The following MOB4 variants were observed in gnomAD, a reference collection of about 807,000 sequenced individuals.
MOB4 encodes MOB-like protein phocein.
A neutral mutation model predicts 32.2 loss-of-function variants in MOB4; 4 were observed. The ratio of observed to expected loss-of-function variants is 0.12; its 90% CI spans 0.06 to 0.28. MOB4 has a LOEUF of 0.28. Ranked by LOEUF, MOB4 falls within the 10% of genes least tolerant of loss-of-function variation. MOB4 has a pLI of 1.00. For synonymous variants in MOB4, 88 were observed against 88.1 expected (o/e 1.00, Z 0.01); for missense variants, 158 against 271.2 (o/e 0.58, Z 2.93).
At chr2:197,528,187 G>T (rs79947141) in intron 2 of MOB4, among the ~76,000 whole-genome samples, 1 of 152,040 alleles carries the variant, frequency 6.6e-6, no homozygotes. Context: ...TAGACCTACC[G>T]TTTTATTACT....
In MOB4 at chr2:197,550,850, T is replaced by A. The variant is rs1261236989; in HGVS notation, c.*204T>A. 2 of 393,852 alleles carry A rather than the reference T, an allele frequency of 5.1e-6. No individual in the cohort carries two copies. The highest frequency in any genetic ancestry group is 8.1e-6 in the Non-Finnish European group (2 of 246,612). The allele number at this position is 393,852 out of a possible 1,614,324, so 24.4% of individuals were successfully genotyped here. A position where few individuals can be genotyped will look rare whatever the true frequency, so the allele number is the denominator to read the frequency against. On this transcript the variant is annotated 3_prime_UTR_variant, in exon 8 of 8. Coordinates refer to ENST00000323303, the MANE Select transcript of MOB4 (RefSeq NM_015387.5). Reference sequence around the variant, plus strand: ...TCACCAGTGTGGCACTCATGGTTTTTAAATAAGATTAGTATTATCTGTTTA... The same window carrying A: ...TCACCAGTGTGGCACTCATGGTTTTAAAATAAGATTAGTATTATCTGTTTA...
chr2:197,533,195 T>C (rs2086737185), intron 2 of MOB4, among the ~76,000 whole-genome samples: 2 of 152,190 alleles, frequency 1.3e-5, no homozygotes, highest in South Asian at 4.1e-4. Context: ...ATTACAAATG[T>C]GGCAGGAAAT....
intron 1 of MOB4, among the ~76,000 whole-genome samples, chr2:197,521,470 T>A: frequency 6.6e-6 from 1 of 152,222 alleles, no homozygotes; most frequent in Non-Finnish European, 1.5e-5. Context: ...TTGTCATTGA[T>A]AACATCTTAT....
At chr2:197,535,222 C>CAAAAAA (rs371120769) in intron 2 of MOB4, among the ~76,000 whole-genome samples, 1 of 66,420 alleles carries the variant, frequency 1.5e-5, no homozygotes, top group Non-Finnish European at 3.5e-5. Context: ...GACCCTGTTT[C>CAAAAAA]AAAAAAAAAA....
chr2:197,535,594 G>A lies in MOB4; in HGVS notation c.188G>A (p.Gly63Asp), dbSNP rs892983101. The change falls in exon 3 of 8, where the codon GGC becomes GAC. Residue 63 changes from glycine (G) to aspartate (D), a missense_variant. Coordinates refer to ENST00000323303, the MANE Select transcript of MOB4 (RefSeq NM_015387.5). Reference sequence around the variant, plus strand: ...GACAAAATTCTTGAACCACCTGAAGGCCAAGATGAAGGTGTGTGGAAGTAT... The same window carrying A: ...GACAAAATTCTTGAACCACCTGAAGACCAAGATGAAGGTGTGTGGAAGTAT... The part of the protein sequence containing the change: ...NIDKILEPPE[G>D]QDEGVWKYEH... 3 of 1,612,964 alleles carry A rather than the reference G, an allele frequency of 1.9e-6. No homozygotes were observed. The African/African-American group carries it at 4.0e-5, about 22-fold the overall frequency.
At chr2:197,516,023 C>T (rs1231810057), upstream of MOB4, 5 of 1,505,824 alleles carry the variant, frequency 3.3e-6, no homozygotes, top group East Asian at 2.5e-5. Context: ...CTCTGCCCCG[C>T]CCCCCGCGCA....
intron 6 of MOB4, among the ~76,000 whole-genome samples, chr2:197,549,555 C>T (rs192077223): frequency 1.3e-5 from 2 of 152,084 alleles, no homozygotes; most frequent in East Asian, 3.9e-4. Flanking sequence ...ATTTCTCTCT[C>T]TCTGTTTTTC....
chr2:197,520,110 C>T (rs2086488242), intron 1 of MOB4, among the ~76,000 whole-genome samples: 1 of 151,978 alleles, frequency 6.6e-6, no homozygotes, highest in Non-Finnish European at 1.5e-5. Context: ...TGTCTTCTAC[C>T]CTATCATTCC....
At chr2:197,530,676 G>C (rs1182071753) in intron 2 of MOB4, among the ~76,000 whole-genome samples, 1 of 151,922 alleles carries the variant, frequency 6.6e-6, no homozygotes, top group Non-Finnish European at 1.5e-5. Context: ...TTCCAGGCTG[G>C]TGTACAGTGG....
chr2:197,543,975 T>C (rs1261724799), intron 5 of MOB4, among the ~76,000 whole-genome samples: 1 of 151,978 alleles, frequency 6.6e-6, no homozygotes, highest in African/African-American at 2.4e-5. Context: ...CCTGACCTCA[T>C]GTGATCCGCC....
intron 6 of MOB4, 44 bp downstream of exon 6, chr2:197,548,459 AT>A: frequency 1.4e-6 from 1 of 701,916 alleles, no homozygotes; most frequent in Non-Finnish European, 2.1e-6. Flanking sequence ...TTTAGAGTTA[AT>A]TTATAAGATT....
At chr2:197,540,736 T>G (rs1174645731) in intron 5 of MOB4, among the ~76,000 whole-genome samples, 1 of 152,212 alleles carries the variant, frequency 6.6e-6, no homozygotes, top group African/African-American at 2.4e-5. Flanking sequence ...GATACGCCTG[T>G]TTAGGTTTTT....
chr2:197,539,423 G>A (rs868441129), intron 3 of MOB4, among the ~76,000 whole-genome samples: 3 of 150,138 alleles, frequency 2.0e-5, no homozygotes, highest in South Asian at 4.2e-4. Flanking sequence ...GGTTCAAGCA[G>A]TTCTCCCTCC....
At position 197,551,821 on chromosome 2, in the gene MOB4, T is replaced by C. The variant is rs2087102834; in HGVS notation, c.*1175T>C. ...GTGGTAAGAATGATTGAAATGCAGA[T>C]TTAACAATCTTATAATCTATTGAAT... On this transcript the variant is annotated 3_prime_UTR_variant, in exon 8 of 8. Transcript: ENST00000323303. The C allele has an allele frequency of 1.3e-5, 2 of 152,312 alleles. No homozygotes were observed. Among genetic ancestry groups the C allele is most frequent in the Admixed American group, 1.3e-4 (2 of 15,262 alleles). The allele number at this position is 152,312 out of a possible 1,614,324, so 9.4% of individuals were successfully genotyped here. A position where few individuals can be genotyped will look rare whatever the true frequency, so the allele number is the denominator to read the frequency against.
intron 5 of MOB4, among the ~76,000 whole-genome samples, chr2:197,546,543 G>T (rs909768032): frequency 2.6e-5 from 4 of 152,154 alleles, no homozygotes; most frequent in Non-Finnish European, 5.9e-5. Flanking sequence ...TACAATCATA[G>T]TGCCACCATG....
chr2:197,535,477 A>T, intron 2 of MOB4, 53 bp from the exon 3 acceptor site: 1 of 1,513,212 alleles, frequency 6.6e-7, no homozygotes, highest in Non-Finnish European at 8.9e-7. Flanking sequence ...ACTTAACATA[A>T]GATTTACCAG....
At chr2:197,532,716 T>G (rs865874993) in intron 2 of MOB4, among the ~76,000 whole-genome samples, 1 of 151,290 alleles carries the variant, frequency 6.6e-6, no homozygotes, top group South Asian at 2.1e-4. Flanking sequence ...AAAGTCTCTG[T>G]GTTCAGGGAC....
rs185892014 is a variant in MOB4, at chr2:197,517,549, G to A, written c.60+1403G>A. Reference sequence around the variant, plus strand: ...TGAGAGTCATCTCATTTATTCATAAGTTCTTAATTTTGAAAGGTTAGAAAA... The same window carrying A: ...TGAGAGTCATCTCATTTATTCATAAATTCTTAATTTTGAAAGGTTAGAAAA... On this transcript the variant is annotated intron_variant, in intron 1 of 7. Transcript: ENST00000323303. 1.5e-3 allele frequency among the ~76,000 whole-genome samples: 228 copies of A among 152,136 alleles called. 1 individual carries two copies. Among genetic ancestry groups the A allele is most frequent in the African/African-American group, 5.0e-3 (208 of 41,508 alleles).
At chr2:197,540,867 C>G (rs780207440) in intron 5 of MOB4, among the ~76,000 whole-genome samples, 1 of 151,028 alleles carries the variant, frequency 6.6e-6, no homozygotes, top group Non-Finnish European at 1.5e-5. Flanking sequence ...TAGTTTTTGT[C>G]AAGGTAAGAC....
Sources: gnomAD v4.1 joint callset for allele counts (sites outside exome capture counted in the v4.1 genomes callset) on GRCh38, gnomAD v4.1.1 for gene constraint, MANE v1.5 for transcripts, NCBI Gene and HGNC (gene_info 2026-07-23, HGNC 2026-07-21) for gene names.